Variants in BACE2 observed in about 807,000 individuals in gnomAD.
BACE2 encodes 56 kDa aspartic-like protease.
In BACE2, 17 loss-of-function variants were observed where a neutral mutation model predicts 46.2. That is an observed-to-expected ratio of 0.37 (90% confidence interval 0.25 to 0.55). The LOEUF (loss-of-function observed/expected upper bound fraction) is 0.55. Among genes scored for constraint, BACE2 ranks in the 20% least tolerant of loss-of-function variants. The pLI is 0.82. For missense variants in BACE2, 595 were observed against 698.1 expected (o/e 0.85, Z 1.66); for synonymous variants, 277 against 295.9 (o/e 0.94, Z 0.66).
intron 4 of BACE2, among the ~76,000 whole-genome samples, chr21:41,242,815 AC>A (rs1305883339): frequency 6.6e-6 from 1 of 151,978 alleles, no homozygotes; most frequent in Non-Finnish European, 1.5e-5. Context: ...GATAAGAGAA[AC>A]CTCCAAAGCA....
rs999224496 is a variant in BACE2 at position 41,281,390 on chromosome 21, T to C, written c.*5766T>C. 2.6e-5 allele frequency: 4 copies of C among 152,222 alleles called. No homozygotes were observed. Among genetic ancestry groups the C allele is most frequent in the Admixed American group, 6.5e-5 (1 of 15,286 alleles). The allele number at this position is 152,222 out of a possible 1,614,324, so 9.4% of individuals were successfully genotyped here. On this transcript the variant is annotated 3_prime_UTR_variant, in exon 9 of 9. Coordinates refer to ENST00000330333, the MANE Select transcript of BACE2 (RefSeq NM_012105.5). ...GTCCTTGGCAACCTAGCCTTTGACA[T>C]TGATGTTTTTCCATAGGATTTTCTT...
In BACE2 at chr21:41,282,217, TA is replaced by T. The variant is rs1297357197; in HGVS notation, c.*6595del. 1 of 152,234 alleles carries T rather than the reference TA, an allele frequency of 6.6e-6. No homozygotes were observed. The highest frequency in any genetic ancestry group is 3.2e-3 in the Middle Eastern group (1 of 316). The allele number at this position is 152,234 out of a possible 1,614,324, so 9.4% of individuals were successfully genotyped here. A position where few individuals can be genotyped will look rare whatever the true frequency, so the allele number is the denominator to read the frequency against. ...TTAACATCCTTTAATACAAGTTTCT[TA>T]AGTGTAACTTGTATTTCTGAAAATG... On this transcript the variant is annotated 3_prime_UTR_variant, in exon 9 of 9. Coordinates refer to ENST00000330333, the MANE Select transcript of BACE2 (RefSeq NM_012105.5).
chr21:41,218,575 A>G (rs906468384), intron 1 of BACE2, among the ~76,000 whole-genome samples: 4 of 152,168 alleles, frequency 2.6e-5, no homozygotes, highest in Admixed American at 6.5e-5. Context: ...AAATATGGGT[A>G]TCAAAAACAA....
chr21:41,207,322 A>G (rs1986159871), intron 1 of BACE2, among the ~76,000 whole-genome samples: 1 of 152,150 alleles, frequency 6.6e-6, no homozygotes, highest in South Asian at 2.1e-4. Context: ...AACTATCATC[A>G]AAGTATGAAG....
chr21:41,217,420 T>G (rs1290743377), intron 1 of BACE2, among the ~76,000 whole-genome samples: 1 of 152,204 alleles, frequency 6.6e-6, no homozygotes, highest in Non-Finnish European at 1.5e-5. Context: ...CTGTCTCTCC[T>G]TTACCTCTTT....
chr21:41,219,924 C>T (rs1225187122), intron 1 of BACE2, among the ~76,000 whole-genome samples: 1 of 152,218 alleles, frequency 6.6e-6, no homozygotes, highest in Non-Finnish European at 1.5e-5. Context: ...AGTTCCTACA[C>T]TGTCTGCCTG....
intron 8 of BACE2, among the ~76,000 whole-genome samples, chr21:41,270,852 T>C (rs1203328788): frequency 3.9e-5 from 6 of 152,250 alleles, no homozygotes; most frequent in African/African-American, 7.2e-5. Flanking sequence ...AGGTATTCTA[T>C]ATCATAACTT....
intron 1 of BACE2, among the ~76,000 whole-genome samples, chr21:41,206,557 T>C (rs1437092609): frequency 6.6e-6 from 1 of 152,256 alleles, no homozygotes; most frequent in Non-Finnish European, 1.5e-5. Flanking sequence ...AAGCACTGGA[T>C]GATTCCATTT....
At chr21:41,267,509 A>G (rs951998620) in intron 8 of BACE2, among the ~76,000 whole-genome samples, 3 of 152,214 alleles carry the variant, frequency 2.0e-5, no homozygotes, top group Non-Finnish European at 2.9e-5. Flanking sequence ...CTCAGCTTGT[A>G]CAACTTGAGG....
At chr21:41,272,954 C>T (rs140373014) in intron 8 of BACE2, among the ~76,000 whole-genome samples, 13 of 152,278 alleles carry the variant, frequency 8.5e-5, no homozygotes, top group African/African-American at 2.9e-4. Context: ...CCTTAAGTGT[C>T]AGCCGGTCTG....
intron 7 of BACE2, among the ~76,000 whole-genome samples, chr21:41,255,550 G>T (rs1375604352): frequency 6.6e-6 from 1 of 152,194 alleles, no homozygotes; most frequent in Non-Finnish European, 1.5e-5. Context: ...GAGGGTGTCT[G>T]TGGGGGCACT....
chr21:41,178,881 G>T, intron 1 of BACE2: 1 of 274,130 alleles, frequency 3.6e-6, no homozygotes, highest in Non-Finnish European at 7.1e-6. Context: ...CAGACTTTTA[G>T]AGGAGTGCTG....
chr21:41,180,375 T>TTAATCTTAAGG (rs1985070633), intron 1 of BACE2: 1 of 170,344 alleles, frequency 5.9e-6, no homozygotes, highest in Non-Finnish European at 1.4e-5. Context: ...TTAAGGGGGC[T>TTAATCTTAAGG]GCAGAAGGGC....
intron 1 of BACE2, among the ~76,000 whole-genome samples, chr21:41,204,781 G>T (rs576042090): frequency 1.3e-5 from 2 of 152,138 alleles, no homozygotes; most frequent in African/African-American, 4.8e-5. Context: ...TCTCTTCTGG[G>T]TTAGCATTCT....
chr21:41,190,046 T>C lies in BACE2; in HGVS notation c.312+21471T>C, dbSNP rs558071582. Among the ~76,000 whole-genome samples, 7 of 152,352 alleles carry C rather than the reference T, an allele frequency of 4.6e-5. No individual in the cohort carries two copies. The South Asian group carries it at 1.0e-3, about 23-fold the overall frequency. On this transcript the variant is annotated intron_variant, in intron 1 of 8. Coordinates refer to ENST00000330333, the MANE Select transcript of BACE2 (RefSeq NM_012105.5). ...TTATATTCACTGGCAGCTGATTAGATGGTGCCCTCCAGATTAAGGGTGGGT... is the reference window on the plus strand; with the variant it reads ...TTATATTCACTGGCAGCTGATTAGACGGTGCCCTCCAGATTAAGGGTGGGT...
chr21:41,249,803 G>A (rs1000287178), intron 6 of BACE2, among the ~76,000 whole-genome samples: 2 of 152,210 alleles, frequency 1.3e-5, no homozygotes, highest in Non-Finnish European at 2.9e-5. Flanking sequence ...GCAGCCGGCA[G>A]ACCCAGGGTG....
chr21:41,205,077 G>T (rs899881417), intron 1 of BACE2, among the ~76,000 whole-genome samples: 15 of 152,170 alleles, frequency 9.9e-5, no homozygotes, highest in Non-Finnish European at 1.5e-5. Flanking sequence ...TCTGTGTTGC[G>T]CATTCAGTTT....
intron 1 of BACE2, among the ~76,000 whole-genome samples, chr21:41,171,886 G>T (rs1278492086): frequency 6.6e-6 from 1 of 152,162 alleles, no homozygotes; most frequent in Non-Finnish European, 1.5e-5. Context: ...TAATTATTTT[G>T]GCGAATCCTA....
chr21:41,242,620 G>A (rs943242720), intron 4 of BACE2, among the ~76,000 whole-genome samples: 14 of 152,108 alleles, frequency 9.2e-5, no homozygotes, highest in Non-Finnish European at 1.8e-4. Context: ...GACAGCATAG[G>A]ATTTATGAGG....
Sources: gnomAD v4.1 joint callset for allele counts (sites outside exome capture counted in the v4.1 genomes callset) on GRCh38, gnomAD v4.1.1 for gene constraint, MANE v1.5 for transcripts, NCBI Gene and HGNC (gene_info 2026-07-23, HGNC 2026-07-21) for gene names.